The following LRIG1 variants were observed in gnomAD, a reference collection of about 807,000 sequenced individuals.
The protein encoded by LRIG1 is leucine-rich repeats and immunoglobulin-like domains protein 1.
In LRIG1, 48 loss-of-function variants were observed where a neutral mutation model predicts 99.2. The observed-to-expected ratio is 0.48, with a 90% confidence interval of 0.38 to 0.62. The LOEUF (loss-of-function observed/expected upper bound fraction) is 0.62. LRIG1 is among the 20% of genes least tolerant of loss of function. The pLI, the probability that LRIG1 is intolerant of heterozygous loss-of-function variation, is 0.00. For synonymous variants in LRIG1, 772 were observed against 596.1 expected (o/e 1.29, Z -4.30); for missense variants, 1,646 against 1,434.4 (o/e 1.15, Z -2.38).
At chr3:66,405,728 G>A (rs1351321719) in intron 8 of LRIG1, 34 of 1,118,132 alleles carry the variant, frequency 3.0e-5, no homozygotes, top group Middle Eastern at 2.7e-4. Context: ...CCCGGCACAG[G>A]GCCGGCCCGT....
At chr3:66,393,014 A>G (rs1385524247) in intron 12 of LRIG1, among the ~76,000 whole-genome samples, 1 of 152,182 alleles carries the variant, frequency 6.6e-6, no homozygotes, top group Non-Finnish European at 1.5e-5. Context: ...ATCCAGAGGA[A>G]GTTCAGCAGG....
chr3:66,491,559 G>A (rs375149251), intron 1 of LRIG1, among the ~76,000 whole-genome samples: 33 of 152,136 alleles, frequency 2.2e-4, no homozygotes, highest in Non-Finnish European at 3.2e-4. Flanking sequence ...TTACCAAAAC[G>A]CCCTTTGGAA....
chr3:66,404,803 TG>T (rs1368580642), intron 9 of LRIG1, among the ~76,000 whole-genome samples: 5 of 152,198 alleles, frequency 3.3e-5, no homozygotes, highest in African/African-American at 7.2e-5. Flanking sequence ...ACGAAAGTAC[TG>T]ACAGGAGCCC....
chr3:66,403,783 C>T (rs570670640), intron 9 of LRIG1, among the ~76,000 whole-genome samples: 240 of 152,308 alleles, frequency 1.6e-3, no homozygotes, highest in Non-Finnish European at 2.5e-3. Flanking sequence ...ACACGCCCCA[C>T]GAGGAACCTG....
chr3:66,426,302 G>T (rs1451504574), intron 3 of LRIG1, among the ~76,000 whole-genome samples: 1 of 152,202 alleles, frequency 6.6e-6, no homozygotes, highest in Non-Finnish European at 1.5e-5. Context: ...ATGAATGAGT[G>T]TGGCTATGTT....
At chr3:66,466,736 G>A (rs961885004) in intron 1 of LRIG1, among the ~76,000 whole-genome samples, 9 of 152,080 alleles carry the variant, frequency 5.9e-5, no homozygotes, top group South Asian at 2.1e-4. Flanking sequence ...GAACACGATC[G>A]CCCTGTACCA....
chr3:66,404,024 A>G (rs1445445478), intron 9 of LRIG1, among the ~76,000 whole-genome samples: 2 of 151,972 alleles, frequency 1.3e-5, no homozygotes, highest in African/African-American at 4.8e-5. Flanking sequence ...AAGGCTGGGG[A>G]AAATCAGCAT....
intron 1 of LRIG1, among the ~76,000 whole-genome samples, chr3:66,473,525 C>G (rs981111760): frequency 2.0e-5 from 3 of 152,216 alleles, no homozygotes; most frequent in Admixed American, 2.0e-4. Context: ...CTTGCATTTG[C>G]CACAATGCTC....
chr3:66,433,864 T>A (rs535230156), intron 3 of LRIG1, among the ~76,000 whole-genome samples: 102 of 152,276 alleles, frequency 6.7e-4, no homozygotes, highest in African/African-American at 2.4e-3. Context: ...CATGCTGGGG[T>A]CCTATGAGAA....
chr3:66,441,634 G>A (rs1703544390), intron 3 of LRIG1, among the ~76,000 whole-genome samples: 1 of 152,230 alleles, frequency 6.6e-6, no homozygotes, highest in South Asian at 2.1e-4. Flanking sequence ...GGAGATGCAT[G>A]CTGCATTTGC....
At chr3:66,465,635 G>C (rs765048961) in intron 1 of LRIG1, among the ~76,000 whole-genome samples, 6 of 151,982 alleles carry the variant, frequency 3.9e-5, no homozygotes. Context: ...CAAAGTGCTA[G>C]GATTACAGGT....
intron 17 of LRIG1, 98 bp downstream of exon 17, chr3:66,381,381 G>A (rs1701052790): frequency 8.0e-7 from 1 of 1,242,772 alleles, no homozygotes; most frequent in Non-Finnish European, 1.1e-6. Flanking sequence ...GGAGACAGCT[G>A]TGGACTAGGA....
chr3:66,380,202 A>G lies in LRIG1; in HGVS notation c.*61T>C. 1 of 1,413,206 alleles carries G rather than the reference A, an allele frequency of 7.1e-7. No homozygotes were observed. The highest frequency in any genetic ancestry group is 9.7e-7 in the Non-Finnish European group (1 of 1,030,566). 87.5% of individuals were successfully genotyped at this position (1,413,206 alleles called of 1,614,324 possible). ...GACGCTTGAACCCAAGCTTCCTCGC[A>G]GCCTCTCCTACCTCTCTTTCCCGTA... On this transcript the variant is annotated 3_prime_UTR_variant, in exon 19 of 19. Transcript: ENST00000273261.
intron 14 of LRIG1, 146 bp from the exon 15 acceptor site, chr3:66,383,547 CT>C: frequency 1.3e-6 from 1 of 750,230 alleles, no homozygotes; most frequent in Non-Finnish European, 2.1e-6. Flanking sequence ...GGAGAAGACC[CT>C]TCAACTCATT....
chr3:66,428,922 T>G (rs1388489757), intron 3 of LRIG1, among the ~76,000 whole-genome samples: 1 of 152,232 alleles, frequency 6.6e-6, no homozygotes, highest in Non-Finnish European at 1.5e-5. Flanking sequence ...CTGGGGAATT[T>G]TGGCAGATTC....
chr3:66,435,698 T>C (rs1165672305), intron 3 of LRIG1, among the ~76,000 whole-genome samples: 1 of 152,168 alleles, frequency 6.6e-6, no homozygotes, highest in Non-Finnish European at 1.5e-5. Flanking sequence ...TCGATGTCAA[T>C]ATCCTGGTTA....
intron 14 of LRIG1, among the ~76,000 whole-genome samples, 171 bp downstream of exon 14, chr3:66,383,820 T>G (rs368073730): frequency 6.6e-6 from 1 of 152,140 alleles, no homozygotes. Context: ...TTTAAAGAGA[T>G]AGAAACACTT....
chr3:66,464,647 A>G (rs946872966), intron 1 of LRIG1, among the ~76,000 whole-genome samples: 4 of 152,162 alleles, frequency 2.6e-5, no homozygotes, highest in Non-Finnish European at 5.9e-5. Context: ...TGGCTTACAC[A>G]TGTGGCCTGG....
chr3:66,462,707 A>C (rs1001249516), intron 1 of LRIG1, among the ~76,000 whole-genome samples, 198 bp from the exon 2 acceptor site: 1 of 151,986 alleles, frequency 6.6e-6, no homozygotes, highest in African/African-American at 2.4e-5. Context: ...AAGGCACTCC[A>C]AGCAACTCTA....
Sources: allele counts gnomAD v4.1 joint callset (sites outside exome capture counted in the v4.1 genomes callset), GRCh38; gene constraint gnomAD v4.1.1; transcripts MANE v1.5; gene names NCBI Gene and HGNC (gene_info 2026-07-23, HGNC 2026-07-21).